Variants in BRAP observed in about 807,000 individuals in gnomAD.
The protein encoded by BRAP is BRCA1-associated protein.
A neutral mutation model predicts 73.4 loss-of-function variants in BRAP; 42 were observed. That is an observed-to-expected ratio of 0.57 (90% CI 0.45 to 0.74). The LOEUF (loss-of-function observed/expected upper bound fraction) is 0.74, where lower values mean the gene tolerates loss of function less well. Ranked by LOEUF, BRAP falls within the 30% of genes least tolerant of loss-of-function variation. The probability of loss-of-function intolerance (pLI) is 0.00; values close to 1 mark genes in which losing one functional copy is unlikely to be tolerated. For missense variants in BRAP, 593 were observed against 751.4 expected (o/e 0.79, Z 2.46); for synonymous variants, 255 against 267.4 (o/e 0.95, Z 0.45).
intron 11 of BRAP, among the ~76,000 whole-genome samples, chr12:111,649,116 G>A (rs940124610): frequency 9.2e-5 from 14 of 152,068 alleles, no homozygotes; most frequent in African/African-American, 2.9e-4. Context: ...TAAGTTTTAC[G>A]TCTATTAATT....
intron 5 of BRAP, among the ~76,000 whole-genome samples, chr12:111,671,744 G>A (rs1887183576): frequency 6.7e-6 from 1 of 149,310 alleles, no homozygotes; most frequent in South Asian, 2.1e-4. Flanking sequence ...GAGTGCAATG[G>A]CAAGATCACG....
At chr12:111,669,804 CCTTTT>C (rs1887099172) in intron 5 of BRAP, 1 of 513,932 alleles carries the variant, frequency 1.9e-6, no homozygotes, top group Admixed American at 3.2e-5. Context: ...GGAAACTGTT[CCTTTT>C]AAGTTTACAC....
At chr12:111,675,446 G>T (rs1248243048) in intron 4 of BRAP, among the ~76,000 whole-genome samples, 1 of 148,836 alleles carries the variant, frequency 6.7e-6, no homozygotes, top group Admixed American at 6.8e-5. Context: ...TTAAAATCTT[G>T]GTATTAGAAA....
intron 4 of BRAP, among the ~76,000 whole-genome samples, chr12:111,676,489 C>T (rs1442708201): frequency 6.6e-6 from 1 of 152,164 alleles, no homozygotes; most frequent in Non-Finnish European, 1.5e-5. Flanking sequence ...TCTTGACTCA[C>T]TGCAACCTCC....
At chr12:111,678,549 CA>C (rs1319401332) in intron 4 of BRAP, among the ~76,000 whole-genome samples, 1 of 151,254 alleles carries the variant, frequency 6.6e-6, no homozygotes, top group Admixed American at 6.6e-5. Flanking sequence ...CCCAGCTACT[CA>C]GGAGGTTGAG....
chr12:111,644,244 A>G lies in BRAP; in HGVS notation c.1734T>C (p.Ser578=). The G allele has an allele frequency of 6.2e-7, 1 of 1,613,530 alleles. No individual in the cohort carries two copies. Among genetic ancestry groups the G allele is most frequent in the Non-Finnish European group, 8.5e-7 (1 of 1,179,954 alleles). Residue 578 remains serine, a synonymous_variant, in exon 12 of 12, where the codon AGT becomes AGC. Transcript: ENST00000419234. ...SASSPASSGG[S]GKLPSRKGRS... is the part of the protein sequence containing the mutation. ...GGCCCTTCCTGGAGGGCAACTTCCC[A>G]CTGCCCCCCGAAGAGGCAGGGCTCG...
intron 11 of BRAP, among the ~76,000 whole-genome samples, chr12:111,649,718 T>G (rs907027127): frequency 2.8e-4 from 42 of 152,340 alleles, no homozygotes; most frequent in Middle Eastern, 3.4e-3. Flanking sequence ...CTGCACACAC[T>G]GCAAGTGCAC....
chr12:111,661,279 G>GTTTT (rs144136043), intron 6 of BRAP, among the ~76,000 whole-genome samples: 3 of 119,010 alleles, frequency 2.5e-5, no homozygotes, highest in African/African-American at 6.1e-5. Flanking sequence ...CTCCCAGCTT[G>GTTTT]TTTTTTTTTT....
In BRAP at chr12:111,660,671, G is replaced by A; in HGVS notation, c.901C>T (p.Pro301Ser). 1.2e-6 allele frequency: 2 copies of A among 1,605,380 alleles called. No homozygotes were observed. The highest frequency in any genetic ancestry group is 1.7e-6 in the Non-Finnish European group (2 of 1,175,748). Residue 301 changes from proline (P) to serine (S), a missense_variant, in exon 7 of 12, where the codon CCT becomes TCT. Physicochemically the swap from Pro to Ser is moderately conservative, Grantham distance 74. Around this residue, in one of 4 missense-constraint regions of BRAP, gnomAD observed 67 missense variants for 158.0 expected, o/e 0.42. Transcript: ENST00000419234. ...CLQRWDDTTC[P>S]VCRYCQTPEP... ...GGCGTTTGACAGTACCGGCAAACAGGACACCTATCCAGGACACCAAAAGAT... is the reference window on the plus strand; with the variant it reads ...GGCGTTTGACAGTACCGGCAAACAGAACACCTATCCAGGACACCAAAAGAT...
intron 10 of BRAP, among the ~76,000 whole-genome samples, chr12:111,652,741 C>T (rs1020579481): frequency 5.3e-5 from 8 of 151,882 alleles, no homozygotes; most frequent in Admixed American, 3.9e-4. Context: ...GATGGCGTCT[C>T]GCTCTGTTGC....
At chr12:111,681,948 T>C in intron 2 of BRAP, 113 bp from the exon 3 acceptor site, 1 of 961,592 alleles carries the variant, frequency 1.0e-6, no homozygotes, top group Non-Finnish European at 1.5e-6. Flanking sequence ...GTAATTACAA[T>C]GTAATGCATT....
intron 2 of BRAP, 103 bp from the exon 3 acceptor site, chr12:111,681,938 G>A (rs1887616288): frequency 9.0e-7 from 1 of 1,113,130 alleles, no homozygotes; most frequent in Non-Finnish European, 1.3e-6. Context: ...CTTTGATAGA[G>A]TAATTACAAT....
At chr12:111,671,936 C>T (rs1002295605) in intron 5 of BRAP, among the ~76,000 whole-genome samples, 3 of 152,046 alleles carry the variant, frequency 2.0e-5, no homozygotes, top group African/African-American at 4.8e-5. Context: ...TCCATCACCT[C>T]GGCCTCCCAA....
At position 111,684,407 on chromosome 12, in the gene BRAP, G is replaced by T. The variant is rs949613130; in HGVS notation, c.83-1100C>A. 2.6e-5 allele frequency among the ~76,000 whole-genome samples: 4 copies of T among 152,252 alleles called. No homozygotes were observed. The East Asian group carries it at 7.7e-4, about 29-fold the overall frequency. ...CAATCTTTAATTTGCAGCTTCAAAG[G>T]TCACGTCCTCAGGAAGTTCCCAATG... On this transcript the variant is annotated intron_variant, in intron 1 of 11. Coordinates refer to ENST00000419234, the MANE Select transcript of BRAP (RefSeq NM_006768.5).
At chr12:111,680,684 C>T (rs1887565324) in intron 3 of BRAP, among the ~76,000 whole-genome samples, 1 of 151,076 alleles carries the variant, frequency 6.6e-6, no homozygotes, top group Non-Finnish European at 1.5e-5. Flanking sequence ...GGAGTGAGAC[C>T]CTGTCTCAAA....
chr12:111,682,507 AAAAAAAAAAAAG>A (rs1887642769), intron 2 of BRAP, among the ~76,000 whole-genome samples: 1 of 151,446 alleles, frequency 6.6e-6, no homozygotes, highest in Non-Finnish European at 1.5e-5. Flanking sequence ...CAAAAAAAAA[AAAAAAAAAAAAG>A]AAAAGAAAGA....
chr12:111,672,622 GATAT>G, intron 5 of BRAP, 35 bp downstream of exon 5: 1 of 1,530,820 alleles, frequency 6.5e-7, no homozygotes, highest in Non-Finnish European at 9.0e-7. Flanking sequence ...ACACCAATCT[GATAT>G]ATTTTAATTA....
chr12:111,671,906 G>C (rs1186466483), intron 5 of BRAP, among the ~76,000 whole-genome samples: 1 of 151,794 alleles, frequency 6.6e-6, no homozygotes, highest in African/African-American at 2.4e-5. Context: ...GCCTGGTCTC[G>C]AATTCCTACA....
rs780891285 is a variant in BRAP at position 111,679,363 on chromosome 12, G to C, written c.444-23C>G. The C allele has an allele frequency of 6.1e-6, 9 of 1,477,064 alleles. No homozygotes were observed. In the African/African-American group the frequency reaches 1.1e-4, roughly 18 times the overall value. The allele number at this position is 1,477,064 out of a possible 1,614,324, so 91.5% of individuals were successfully genotyped here. A position where few individuals can be genotyped will look rare whatever the true frequency, so the allele number is the denominator to read the frequency against. On this transcript the variant is annotated intron_variant, in intron 3 of 11. Coordinates refer to ENST00000419234, the MANE Select transcript of BRAP (RefSeq NM_006768.5). Reference sequence around the variant, plus strand: ...TTACTAACAAAAAAAAAATTAGAGTGTCTTGAATAGATGAGGTATGGTTAG... The same window carrying C: ...TTACTAACAAAAAAAAAATTAGAGTCTCTTGAATAGATGAGGTATGGTTAG...
Sources: gnomAD v4.1 joint callset for allele counts (sites outside exome capture counted in the v4.1 genomes callset) on GRCh38, gnomAD v4.1.1 for gene constraint, gnomAD v4.1.1 regional missense constraint, MANE v1.5 for transcripts, NCBI Gene and HGNC (gene_info 2026-07-23, HGNC 2026-07-21) for gene names.